CSMD1: variants seen among roughly 807,000 people sequenced by gnomAD.
The protein encoded by CSMD1 is CUB and Sushi multiple domains 1.
A neutral mutation model predicts 417.5 loss-of-function variants in CSMD1; 213 were observed. The observed-to-expected ratio is 0.51, with a 90% CI of 0.46 to 0.57. The LOEUF (loss-of-function observed/expected upper bound fraction) is 0.57. CSMD1 is among the 20% of genes least tolerant of loss of function. The pLI, the probability that CSMD1 is intolerant of heterozygous loss-of-function variation, is 0.00. For synonymous variants in CSMD1, 2,862 were observed against 1,736.8 expected, an observed-to-expected ratio of 1.65 and a Z score of -16.11; for missense variants, 6,923 against 4,529.7, an observed-to-expected ratio of 1.53 and a Z score of -15.17.
intron 7 of CSMD1, among the ~76,000 whole-genome samples, chr8:3,705,597 T>C (rs985332161): frequency 2.6e-5 from 4 of 152,126 alleles, no homozygotes; most frequent in Admixed American, 6.5e-5. Context: ...AATACTAAGA[T>C]GGAAGCAAAC....
chr8:3,061,559 G>C (rs1475168384), intron 49 of CSMD1, among the ~76,000 whole-genome samples: 1 of 152,116 alleles, frequency 6.6e-6, no homozygotes, highest in Admixed American at 6.6e-5. Context: ...CAGTTGGCCA[G>C]GGGTTGACAG....
intron 7 of CSMD1, among the ~76,000 whole-genome samples, chr8:3,659,863 G>C (rs939606832): frequency 1.3e-5 from 2 of 152,122 alleles, no homozygotes; most frequent in Non-Finnish European, 2.9e-5. Context: ...AACTTCTTTA[G>C]AGAAATAATG....
intron 3 of CSMD1, among the ~76,000 whole-genome samples, chr8:4,147,026 G>C (rs956385990): frequency 5.3e-5 from 8 of 151,972 alleles, no homozygotes; most frequent in African/African-American, 1.9e-4. Flanking sequence ...GAGAGTCAGA[G>C]ATCGGGGGTT....
intron 5 of CSMD1, among the ~76,000 whole-genome samples, chr8:3,908,125 A>C (rs1266708459): frequency 6.6e-6 from 1 of 152,172 alleles, no homozygotes; most frequent in South Asian, 2.1e-4. Context: ...CCCCTCTGAG[A>C]ATAACAAATA....
rs1040907932 is a variant in CSMD1 at position 2,973,052 on chromosome 8, G to A, written c.8923+65C>T. 5.4e-6 allele frequency: 8 copies of A among 1,487,384 alleles called. No individual in the cohort carries two copies. In the African/African-American group the frequency reaches 7.0e-5, roughly 13 times the overall value. 92.1% of individuals were successfully genotyped at this position (1,487,384 alleles called of 1,614,324 possible). A position where few individuals can be genotyped will look rare whatever the true frequency, so the allele number is the denominator to read the frequency against. The stretch of plus-strand genomic sequence containing the variant: ...TAGAATTTTTGTAGAATTTTGCCAG[G>A]CATTTTAGAACGAGCTGTGTGGTTT... On this transcript the variant is annotated intron_variant, in intron 57 of 69. Transcript: ENST00000635120.
intron 49 of CSMD1, among the ~76,000 whole-genome samples, chr8:3,077,554 G>C (rs897399186): frequency 6.6e-6 from 1 of 152,228 alleles, no homozygotes; most frequent in Non-Finnish European, 1.5e-5. Flanking sequence ...CCTCCAGAAC[G>C]TAGTAGTCAC....
At chr8:4,601,687 T>C (rs1800593681) in intron 2 of CSMD1, among the ~76,000 whole-genome samples, 1 of 152,174 alleles carries the variant, frequency 6.6e-6, no homozygotes, top group African/African-American at 2.4e-5. Flanking sequence ...CATCATGCAA[T>C]GAGGGGATCG....
At chr8:3,135,882 G>T (rs538989687) in intron 41 of CSMD1, among the ~76,000 whole-genome samples, 1 of 152,232 alleles carries the variant, frequency 6.6e-6, no homozygotes. Context: ...TGGTTAGATT[G>T]GGGACATATC....
Position 4,116,473 on chromosome 8 carries a change from A to G in CSMD1, c.416-84374T>C, listed in dbSNP as rs1296459424. On this transcript the variant is annotated intron_variant, in intron 3 of 69. Coordinates refer to ENST00000635120, the MANE Select transcript of CSMD1 (RefSeq NM_033225.6). ...GGTGCCTGAATGGAACAAACGCGCC[A>G]TGAATGAACCCTAACGTAAGCTGTA... is the stretch of plus-strand genomic sequence containing the variant. 5.9e-5 allele frequency among the ~76,000 whole-genome samples: 8 copies of G among 134,564 alleles called. No individual in the cohort carries two copies. In the East Asian group the frequency reaches 1.5e-3, roughly 25 times the overall value. 88.3% of individuals were successfully genotyped at this position (134,564 alleles called of 152,430 possible). A position where few individuals can be genotyped will look rare whatever the true frequency, so the allele number is the denominator to read the frequency against.
In CSMD1 at chr8:2,963,298, A is replaced by G. The variant is rs767949435; in HGVS notation, c.9378T>C (p.Gly3126=). 42 of 1,613,812 alleles carry G rather than the reference A, an allele frequency of 2.6e-5. No individual in the cohort carries two copies. The highest frequency in any genetic ancestry group is 5.1e-6 in the Non-Finnish European group (6 of 1,179,888). ...GGATGGCGGAGTGAGAGAGCTGGTA[A>G]CCGTCCATGCAGCTGTAACTTATGC... is the stretch of plus-strand genomic sequence containing the variant. The part of the protein sequence containing the change: ...GSSISYSCMD[G]YQLSHSAILS... Residue 3126 remains glycine, a synonymous_variant, in exon 60 of 70, where the codon GGT becomes GGC. Transcript: ENST00000635120.
At chr8:3,260,892 C>G (rs1801009761) in intron 26 of CSMD1, among the ~76,000 whole-genome samples, 1 of 152,000 alleles carries the variant, frequency 6.6e-6, no homozygotes, top group Admixed American at 6.6e-5. Flanking sequence ...GCTTGAAAGC[C>G]ACGTATCTGA....
intron 4 of CSMD1, among the ~76,000 whole-genome samples, chr8:4,013,496 C>A (rs1166692710): frequency 1.3e-5 from 2 of 152,128 alleles, no homozygotes; most frequent in African/African-American, 4.8e-5. Flanking sequence ...CAGGAGAGTC[C>A]TGTCCAGGCA....
chr8:3,935,238 T>C (rs1810404127), intron 5 of CSMD1, among the ~76,000 whole-genome samples: 1 of 152,162 alleles, frequency 6.6e-6, no homozygotes, highest in Non-Finnish European at 1.5e-5. Flanking sequence ...GTTCTTAAAA[T>C]GTAGAAGAAC....
intron 1 of CSMD1, among the ~76,000 whole-genome samples, chr8:4,763,661 T>C (rs1812264989): frequency 6.6e-6 from 1 of 152,208 alleles, no homozygotes; most frequent in African/African-American, 2.4e-5. Flanking sequence ...CACTGAGATA[T>C]AAATAAAGAT....
chr8:3,924,513 T>A (rs560629482), intron 5 of CSMD1, among the ~76,000 whole-genome samples: 1 of 152,210 alleles, frequency 6.6e-6, no homozygotes, highest in Non-Finnish European at 1.5e-5. Flanking sequence ...CACTTGATGG[T>A]TTCCCAGAAG....
At chr8:3,188,768 G>T (rs1175246571) in intron 35 of CSMD1, 119 bp downstream of exon 35, 1 of 866,344 alleles carries the variant, frequency 1.2e-6, no homozygotes, top group African/African-American at 1.7e-5. Context: ...AGTATAAAAG[G>T]AAAAAAGAGA....
chr8:3,088,843 T>TATA (rs1554509435), intron 48 of CSMD1, among the ~76,000 whole-genome samples: 2 of 114,084 alleles, frequency 1.8e-5, no homozygotes, highest in African/African-American at 3.4e-5. Flanking sequence ...ACTGTGCTAG[T>TATA]AAAAAAAAAA....
chr8:4,036,146 G>C (rs1011480652), intron 3 of CSMD1, among the ~76,000 whole-genome samples: 8 of 152,134 alleles, frequency 5.3e-5, no homozygotes, highest in Non-Finnish European at 1.0e-4. Flanking sequence ...TGCGTAGTAG[G>C]CCGCAAAACT....
chr8:3,387,349 C>A (rs1012998159), intron 18 of CSMD1, 145 bp downstream of exon 18: 5 of 607,276 alleles, frequency 8.2e-6, no homozygotes, highest in East Asian at 5.6e-5. Flanking sequence ...GGGAATGATA[C>A]GATGATGGTA....
Sources: gnomAD v4.1 joint callset for allele counts (sites outside exome capture counted in the v4.1 genomes callset) on GRCh38, gnomAD v4.1.1 for gene constraint, MANE v1.5 for transcripts, NCBI Gene and HGNC (gene_info 2026-07-23, HGNC 2026-07-21) for gene names.